The following PPP2R2D variants were observed in gnomAD, a reference collection of about 807,000 sequenced individuals.
PPP2R2D encodes the protein protein phosphatase 2 regulatory subunit Bdelta.
In PPP2R2D, 9 loss-of-function variants were observed where a neutral mutation model predicts 31.1. The ratio of observed to expected loss-of-function variants is 0.29; its 90% confidence interval spans 0.17 to 0.51. The LOEUF (loss-of-function observed/expected upper bound fraction) is 0.51. Among genes scored for constraint, PPP2R2D ranks in the 20% least tolerant of loss-of-function variants. The probability of loss-of-function intolerance (pLI) is 0.98; values close to 1 mark genes in which losing one functional copy is unlikely to be tolerated. For synonymous variants in PPP2R2D, 179 were observed against 172.6 expected (o/e 1.04, Z -0.29); for missense variants, 391 against 465.6 (o/e 0.84, Z 1.48).
chr10:131,924,078 T>A (rs2036050418), intron 2 of PPP2R2D, among the ~76,000 whole-genome samples: 1 of 152,190 alleles, frequency 6.6e-6, no homozygotes, highest in South Asian at 2.1e-4. Context: ...CCTTATCAGA[T>A]ACATAATTTG....
intron 2 of PPP2R2D, among the ~76,000 whole-genome samples, chr10:131,913,843 A>T (rs1431647638): frequency 6.6e-6 from 1 of 152,188 alleles, no homozygotes; most frequent in East Asian, 1.9e-4. Flanking sequence ...AAGTCTTGCT[A>T]ATGATGTTAG....
At chr10:131,904,519 AAG>A (rs2035552565) in intron 2 of PPP2R2D, among the ~76,000 whole-genome samples, 2 of 152,250 alleles carry the variant, frequency 1.3e-5, no homozygotes, top group South Asian at 2.1e-4. Flanking sequence ...CAAAAAAAAA[AAG>A]AGAGATGGGC....
chr10:131,915,233 G>A (rs2119763893), intron 2 of PPP2R2D, among the ~76,000 whole-genome samples: 1 of 152,072 alleles, frequency 6.6e-6, no homozygotes, highest in African/African-American at 2.4e-5. Context: ...AATAATGATT[G>A]AAAAGGGGGG....
chr10:131,921,598 T>A (rs920640144), intron 2 of PPP2R2D, among the ~76,000 whole-genome samples: 9 of 152,096 alleles, frequency 5.9e-5, no homozygotes, highest in Non-Finnish European at 1.2e-4. Flanking sequence ...AAGATGAGCA[T>A]TTTGGTCTTT....
intron 2 of PPP2R2D, among the ~76,000 whole-genome samples, chr10:131,929,205 G>A (rs917445736): frequency 6.6e-6 from 1 of 152,158 alleles, no homozygotes; most frequent in Non-Finnish European, 1.5e-5. Context: ...CTGCTCAGGC[G>A]CCCCCTCCTG....
In PPP2R2D at chr10:131,958,128, CCGT is replaced by C. The variant is rs2036846891; in HGVS notation, c.*2167_*2169del. On this transcript the variant is annotated 3_prime_UTR_variant, in exon 9 of 9. Transcript: ENST00000455566. ...TGGAGATGAAGGTGTGTGCTGATCC[CCGT>C]CCCCCTGTGGAGATGAAGGGGTGTG... is the stretch of plus-strand genomic sequence containing the variant. 5.8e-6 allele frequency: 1 copy of C among 172,436 alleles called. No individual in the cohort carries two copies. The highest frequency in any genetic ancestry group is 1.2e-5 in the Non-Finnish European group (1 of 83,486). 10.7% of individuals were successfully genotyped at this position (172,436 alleles called of 1,614,324 possible).
At chr10:131,915,580 C>T (rs782233858) in intron 2 of PPP2R2D, among the ~76,000 whole-genome samples, 30 of 152,342 alleles carry the variant, frequency 2.0e-4, no homozygotes, top group South Asian at 1.9e-3. Flanking sequence ...GAGGCACTGT[C>T]TGTGAAATTG....
At chr10:131,916,018 C>T (rs1269351107) in intron 2 of PPP2R2D, among the ~76,000 whole-genome samples, 1 of 152,204 alleles carries the variant, frequency 6.6e-6, no homozygotes, top group Non-Finnish European at 1.5e-5. Flanking sequence ...AAGGTATCAG[C>T]ATACGGCTTT....
chr10:131,918,770 GAATGACACAGTGTTT>G (rs2035888645), intron 2 of PPP2R2D, among the ~76,000 whole-genome samples: 1 of 150,130 alleles, frequency 6.7e-6, no homozygotes, highest in African/African-American at 2.5e-5. Context: ...CACACGGGTG[GAATGACACAGTGTTT>G]GTAGGGACCT....
intron 2 of PPP2R2D, among the ~76,000 whole-genome samples, chr10:131,914,193 T>C (rs2035733637): frequency 1.3e-5 from 2 of 152,206 alleles, no homozygotes; most frequent in African/African-American, 4.8e-5. Context: ...TTAATCATCA[T>C]AGAAATGGTA....
At chr10:131,924,249 T>G (rs974612379) in intron 2 of PPP2R2D, among the ~76,000 whole-genome samples, 3 of 152,164 alleles carry the variant, frequency 2.0e-5, no homozygotes, top group Admixed American at 6.5e-5. Flanking sequence ...AATCCAAGAT[T>G]GTGAAGATTT....
In PPP2R2D at chr10:131,952,236, A is replaced by T. The variant is rs568745244; in HGVS notation, c.1083-3448A>T. Among the ~76,000 whole-genome samples the T allele has an allele frequency of 2.9e-3, 80 of 27,344 alleles. 5 individuals carry two copies. The highest frequency in any genetic ancestry group is 4.4e-3 in the Non-Finnish European group (72 of 16,548). 17.9% of individuals were successfully genotyped at this position (27,344 alleles called of 152,430 possible). A position where few individuals can be genotyped will look rare whatever the true frequency, so the allele number is the denominator to read the frequency against. On this transcript the variant is annotated intron_variant, in intron 8 of 8. Transcript: ENST00000455566. ...GTGCGGGGGGGTTCACTGTCTTAGC[A>T]GTGACTTGGGGGGTCCCTGTCTTAG...
the PPP2R2D span, chr10:131,970,302 C>G: frequency 3.3e-6 from 1 of 307,300 alleles, no homozygotes. The surrounding 1 kb of genome is among the most constrained non-coding windows in gnomAD (Gnocchi z 4.1). Context: ...TGCATTCCCG[C>G]CACAGTACTA....
At chr10:131,969,661 T>G in the PPP2R2D span, 2 of 152,420 alleles carry the variant, frequency 1.3e-5, no homozygotes, top group African/African-American at 2.4e-5. Flanking sequence ...CTAACCCACC[T>G]GCCCCCAGTG....
Position 131,945,542 on chromosome 10 carries a change from C to T in PPP2R2D, c.820+83C>T, listed in dbSNP as rs1554897893. On this transcript the variant is annotated intron_variant, in intron 7 of 8. Transcript: ENST00000455566. The surrounding 1 kb of genome is among the most constrained non-coding windows in gnomAD (Gnocchi z 4.8). ...TGACACAGTCTCGGCTCACGGCAAG[C>T]TCCGCCTCCCGGGTTCCAGCAAGTC... 2.0e-6 allele frequency: 3 copies of T among 1,472,018 alleles called. No homozygotes were observed. The African/African-American group carries it at 4.2e-5, about 21-fold the overall frequency. The allele number at this position is 1,472,018 out of a possible 1,614,324, so 91.2% of individuals were successfully genotyped here. A position where few individuals can be genotyped will look rare whatever the true frequency, so the allele number is the denominator to read the frequency against.
At chr10:131,965,371 C>A in the PPP2R2D span, among the ~76,000 whole-genome samples, 1 of 152,336 alleles carries the variant, frequency 6.6e-6, no homozygotes, top group Middle Eastern at 3.4e-3. Flanking sequence ...TGGCATCACT[C>A]CCTCCTTATC....
intron 2 of PPP2R2D, among the ~76,000 whole-genome samples, chr10:131,918,286 TGG>T: frequency 7.2e-6 from 1 of 138,284 alleles, no homozygotes; most frequent in Admixed American, 7.3e-5. Flanking sequence ...CTCAGGCGGG[TGG>T]AATGACACGG....
rs2036800096 is a variant in PPP2R2D at position 131,956,416 on chromosome 10, G to T, written c.*453G>T. The T allele has an allele frequency of 1.0e-6, 1 of 985,916 alleles. No homozygotes were observed. The highest frequency in any genetic ancestry group is 1.2e-6 in the Non-Finnish European group (1 of 830,306). The allele number at this position is 985,916 out of a possible 1,614,324, so 61.1% of individuals were successfully genotyped here. A position where few individuals can be genotyped will look rare whatever the true frequency, so the allele number is the denominator to read the frequency against. On this transcript the variant is annotated 3_prime_UTR_variant, in exon 9 of 9. Coordinates refer to ENST00000455566, the MANE Select transcript of PPP2R2D (RefSeq NM_018461.5). ...TCCTCTCGGCCTTCCTCCGAGTCCAGGTGGACTCTGTGGATGTGTGGATGT... is the reference window on the plus strand; with the variant it reads ...TCCTCTCGGCCTTCCTCCGAGTCCATGTGGACTCTGTGGATGTGTGGATGT...
At chr10:131,954,143 T>C (rs1436976685) in intron 8 of PPP2R2D, among the ~76,000 whole-genome samples, 5 of 152,256 alleles carry the variant, frequency 3.3e-5, no homozygotes, top group African/African-American at 1.2e-4. Context: ...AGCACCAGGC[T>C]GCTGGGCAGC....
Sources: gnomAD v4.1 joint callset for allele counts (sites outside exome capture counted in the v4.1 genomes callset) on GRCh38, gnomAD v4.1.1 for gene constraint, Gnocchi (gnomAD v3.1) non-coding constraint, MANE v1.5 for transcripts, NCBI Gene and HGNC (gene_info 2026-07-23, HGNC 2026-07-21) for gene names.